TMLHE: variants seen among roughly 807,000 people sequenced by gnomAD.
The protein encoded by TMLHE is trimethyllysine hydroxylase, epsilon, also known as trimethyllysine dioxygenase, mitochondrial.
In TMLHE, 18 loss-of-function variants were observed where a neutral mutation model predicts 25.7. The ratio of observed to expected loss-of-function variants is 0.70; its 90% confidence interval spans 0.48 to 1.04. The LOEUF is 1.04. Ranked by LOEUF, TMLHE falls within the 50% of genes least tolerant of loss-of-function variation. The probability of loss-of-function intolerance (pLI) is 0.00; values close to 1 mark genes in which losing one functional copy is unlikely to be tolerated. For missense variants in TMLHE, 236 were observed against 259.0 expected, an observed-to-expected ratio of 0.91 and a Z score of 0.61; for synonymous variants, 105 against 97.0, an observed-to-expected ratio of 1.08 and a Z score of -0.49.
rs782142229 is a variant in TMLHE, at chrX:155,554,452, G to A, written c.-1-9175C>T. ...TTAATTTTGTCAGCATTTTGAAAAT[G>A]TAGTTCTATCGTCTTCATGTTGTTT... On this transcript the variant is annotated intron_variant, in intron 1 of 7. Coordinates refer to ENST00000334398, the MANE Select transcript of TMLHE (RefSeq NM_018196.4). 2.7e-5 allele frequency among the ~76,000 whole-genome samples: 3 copies of A among 110,994 alleles called. No individual in the cohort carries two copies. In the South Asian group the frequency reaches 1.1e-3, roughly 41 times the overall value.
intron 2 of TMLHE, among the ~76,000 whole-genome samples, chrX:155,542,366 T>C (rs1032036274): frequency 6.8e-4 from 76 of 111,194 alleles, no homozygotes; most frequent in Admixed American, 1.2e-3. Flanking sequence ...CAAAGAAAGG[T>C]ACAAATAAAT....
chrX:155,568,568 A>C (rs1557342447), intron 1 of TMLHE, among the ~76,000 whole-genome samples: 1 of 62,434 alleles, frequency 1.6e-5, no homozygotes, highest in African/African-American at 3.6e-5. Context: ...CGAGCAGCCT[A>C]ACTGGGAGGC....
intron 1 of TMLHE, among the ~76,000 whole-genome samples, chrX:155,593,744 C>G (rs1004376462): frequency 9.1e-6 from 1 of 109,541 alleles, no homozygotes; most frequent in Non-Finnish European, 1.9e-5. Flanking sequence ...GAAATAGAAA[C>G]AATTTTTTAA....
intron 3 of TMLHE, among the ~76,000 whole-genome samples, chrX:155,521,977 G>A (rs1186142445): frequency 1.9e-5 from 2 of 107,149 alleles, no homozygotes; most frequent in African/African-American, 3.4e-5. Flanking sequence ...GAAATCACCC[G>A]TCTTCTGCGT....
intron 1 of TMLHE, among the ~76,000 whole-genome samples, chrX:155,603,302 C>T (rs1374460944): frequency 9.3e-6 from 1 of 108,027 alleles, no homozygotes; most frequent in Non-Finnish European, 1.9e-5. Flanking sequence ...TGCACTCCAG[C>T]CTGAGCAACA....
intron 4 of TMLHE, 93 bp downstream of exon 4, chrX:155,513,893 C>G (rs782297429): frequency 1.1e-6 from 1 of 939,391 alleles, no homozygotes; most frequent in African/African-American, 2.0e-5. Flanking sequence ...GGATTGAAAA[C>G]GAGGGTGACC....
intron 1 of TMLHE, among the ~76,000 whole-genome samples, chrX:155,573,724 A>G (rs1290919411): frequency 1.9e-5 from 1 of 51,732 alleles, no homozygotes; most frequent in African/African-American, 4.6e-5. Flanking sequence ...TCAGTAAACT[A>G]TCACAAGAAC....
chrX:155,557,066 T>G (rs1198562622), intron 1 of TMLHE, among the ~76,000 whole-genome samples: 6 of 112,049 alleles, frequency 5.4e-5, no homozygotes, highest in Non-Finnish European at 1.1e-4. Flanking sequence ...GGTGCCCACA[T>G]TTCATATTGC....
chrX:155,606,882 A>G (rs73579133), intron 1 of TMLHE, among the ~76,000 whole-genome samples: 142 of 110,860 alleles, frequency 1.3e-3, no homozygotes, highest in African/African-American at 4.5e-3. Context: ...AAACTGATAA[A>G]TTCCTGGAGA....
At chrX:155,552,463 G>A (rs782407495) in intron 1 of TMLHE, among the ~76,000 whole-genome samples, 1 of 109,199 alleles carries the variant, frequency 9.2e-6, no homozygotes, top group South Asian at 3.8e-4. Flanking sequence ...TGTTTCCTAG[G>A]AATCTATGTA....
intron 1 of TMLHE, among the ~76,000 whole-genome samples, chrX:155,555,776 T>C (rs1299165169): frequency 9.0e-6 from 1 of 110,854 alleles, no homozygotes; most frequent in Non-Finnish European, 1.9e-5. Flanking sequence ...ATTAGCCCTT[T>C]GTCAGATGGG....
At chrX:155,555,930 C>G (rs782661881) in intron 1 of TMLHE, among the ~76,000 whole-genome samples, 8 of 109,774 alleles carry the variant, frequency 7.3e-5, no homozygotes, top group Admixed American at 6.8e-4. Flanking sequence ...GTGTTTTAGT[C>G]ATGAAGTCCT....
intron 5 of TMLHE, among the ~76,000 whole-genome samples, chrX:155,511,038 T>C (rs1373291544): frequency 8.9e-6 from 1 of 111,840 alleles, no homozygotes. Flanking sequence ...TTTGGCTGCA[T>C]AAATGTCTTC....
At chrX:155,533,370 C>T (rs868940792) in intron 2 of TMLHE, among the ~76,000 whole-genome samples, 4 of 68,398 alleles carry the variant, frequency 5.8e-5, no homozygotes, top group Admixed American at 1.7e-4. Context: ...TGCACACACA[C>T]GTGCACACGC....
chrX:155,511,924 A>G lies in TMLHE; in HGVS notation c.639-132T>C, dbSNP rs888062145. ...TTTTTTTGGTTCCAGAATTTAATCC[A>G]TAAGGTGAAAATGACAGTTGAACAT... On this transcript the variant is annotated intron_variant, in intron 4 of 7. Coordinates refer to ENST00000334398, the MANE Select transcript of TMLHE (RefSeq NM_018196.4). 4.7e-6 allele frequency: 3 copies of G among 644,421 alleles called. No individual in the cohort carries two copies. The South Asian group carries it at 1.3e-4, about 28-fold the overall frequency. 53.1% of individuals were successfully genotyped at this position (644,421 alleles called of 1,213,427 possible).
chrX:155,535,715 A>G (rs1557337543), intron 2 of TMLHE, among the ~76,000 whole-genome samples: 1 of 111,763 alleles, frequency 8.9e-6, no homozygotes, highest in East Asian at 2.8e-4. Flanking sequence ...CCTTAATAGC[A>G]TTTGAAACCT....
At chrX:155,603,464 C>T (rs2067769199) in intron 1 of TMLHE, among the ~76,000 whole-genome samples, 1 of 111,365 alleles carries the variant, frequency 9.0e-6, no homozygotes, top group Non-Finnish European at 1.9e-5. Flanking sequence ...CCAGAATACC[C>T]AAAACAATGT....
At chrX:155,586,074 A>T (rs782202500) in intron 1 of TMLHE, among the ~76,000 whole-genome samples, 2 of 110,190 alleles carry the variant, frequency 1.8e-5, no homozygotes, top group South Asian at 7.7e-4. Context: ...AAAATACAAA[A>T]AAATTAGCCA....
rs1185546800 is a variant in TMLHE, at chrX:155,568,029, G to A, written c.-1-22752C>T. 6.6e-5 allele frequency among the ~76,000 whole-genome samples: 4 copies of A among 60,448 alleles called. 1 individual carries two copies. Among genetic ancestry groups the A allele is most frequent in the Non-Finnish European group, 9.1e-5 (2 of 21,991 alleles). The allele number at this position is 60,448 out of a possible 115,157, so 52.5% of individuals were successfully genotyped here. A position where few individuals can be genotyped will look rare whatever the true frequency, so the allele number is the denominator to read the frequency against. On this transcript the variant is annotated intron_variant, in intron 1 of 7. Coordinates refer to ENST00000334398, the MANE Select transcript of TMLHE (RefSeq NM_018196.4). The stretch of plus-strand genomic sequence containing the variant: ...CACTGTGCACAAGCCGAAGCAGGGC[G>A]AGGCATTGCCTCACTCAGGAAGCGC...
Sources: allele counts gnomAD v4.1 joint callset (sites outside exome capture counted in the v4.1 genomes callset), GRCh38; gene constraint gnomAD v4.1.1; transcripts MANE v1.5; gene names NCBI Gene and HGNC (gene_info 2026-07-23, HGNC 2026-07-21).